Variants in TRIO observed in about 807,000 individuals in gnomAD.
The protein encoded by TRIO is triple functional domain protein.
In TRIO, 58 loss-of-function variants were observed where a neutral mutation model predicts 351.9. The observed-to-expected ratio is 0.16, with a 90% CI of 0.13 to 0.21. The LOEUF is 0.21. Ranked by LOEUF, TRIO falls within the 10% of genes least tolerant of loss-of-function variation. The pLI, the probability that TRIO is intolerant of heterozygous loss-of-function variation, is 1.00. For synonymous variants in TRIO, 1,758 were observed against 1,595.7 expected (o/e 1.10, Z -2.42); for missense variants, 3,201 against 4,027.8 (o/e 0.79, Z 5.56).
chr5:14,184,076 C>G (rs1789956461), intron 1 of TRIO: 2 of 651,312 alleles, frequency 3.1e-6, no homozygotes, highest in Non-Finnish European at 5.6e-6. Context: ...GCTCCTAGGC[C>G]AGATGAGCAG....
chr5:14,214,091 A>G (rs921894855), intron 1 of TRIO, among the ~76,000 whole-genome samples: 5 of 152,164 alleles, frequency 3.3e-5, no homozygotes, highest in African/African-American at 1.2e-4. Context: ...CAGGGCTGTC[A>G]CTGCTTGAGT....
chr5:14,383,412 T>C (rs1241889758), intron 21 of TRIO, among the ~76,000 whole-genome samples: 2 of 152,194 alleles, frequency 1.3e-5, no homozygotes, highest in African/African-American at 4.8e-5. Context: ...GATGTACACA[T>C]GACTATTTGG....
chr5:14,336,544 C>G lies in TRIO; in HGVS notation c.1863C>G (p.Tyr621Ter), dbSNP rs140745100. The G allele has an allele frequency of 6.2e-7, 1 of 1,614,194 alleles. No homozygotes were observed. Among genetic ancestry groups the G allele is most frequent in the Non-Finnish European group, 8.5e-7 (1 of 1,180,034 alleles). ...EDFEEVAQNT[Y>*]TNADKLLEAA... ...GATGTTCTCTTGTGCAGAACACATACACCAATGCGGATAAATTACTGGAAG... is the reference window on the plus strand; with the variant it reads ...GATGTTCTCTTGTGCAGAACACATAGACCAATGCGGATAAATTACTGGAAG... Residue 621 changes from tyrosine (Y) to a stop codon, truncating the protein, a stop_gained, in exon 11 of 57, where the codon TAC becomes TAG. Transcript: ENST00000344204. LOFTEE classifies it high-confidence loss of function.
intron 11 of TRIO, among the ~76,000 whole-genome samples, chr5:14,356,810 A>T (rs189249783): frequency 1.3e-5 from 2 of 152,238 alleles, no homozygotes; most frequent in Admixed American, 1.3e-4. Context: ...CCCTTGATAC[A>T]CACAGTAGTA....
intron 37 of TRIO, among the ~76,000 whole-genome samples, chr5:14,469,397 A>G (rs1158128127): frequency 6.6e-6 from 1 of 152,262 alleles, no homozygotes; most frequent in African/African-American, 2.4e-5. Context: ...GTAAATTTAA[A>G]ATGAAACCTG....
At chr5:14,368,535 T>C (rs1284415349) in intron 16 of TRIO, among the ~76,000 whole-genome samples, 173 bp from the exon 17 acceptor site, 1 of 152,220 alleles carries the variant, frequency 6.6e-6, no homozygotes, top group East Asian at 1.9e-4. Flanking sequence ...TTTCTCGGCA[T>C]AAAACCTTTT....
intron 9 of TRIO, among the ~76,000 whole-genome samples, chr5:14,318,083 G>A (rs1344750949): frequency 1.4e-5 from 2 of 147,426 alleles, no homozygotes; most frequent in Non-Finnish European, 3.0e-5. Context: ...GCCGATTATT[G>A]CACCATTGCA....
chr5:14,280,175 C>T lies in TRIO; in HGVS notation c.233-147C>T, dbSNP rs73057584. 0.022 allele frequency: 14,844 copies of T among 687,238 alleles called. 1,621 individuals carry two copies. In the African/African-American group the frequency reaches 0.24, roughly 11 times the overall value. 42.6% of individuals were successfully genotyped at this position (687,238 alleles called of 1,614,324 possible). A position where few individuals can be genotyped will look rare whatever the true frequency, so the allele number is the denominator to read the frequency against. On this transcript the variant is annotated intron_variant, in intron 2 of 56. Coordinates refer to ENST00000344204, the MANE Select transcript of TRIO (RefSeq NM_007118.4). ...ATCCCCTGAAGGGATGACATGTCCT[C>T]ACTGTGCCTCAGCTGAAACAAGGAC...
chr5:14,328,627 C>G (rs1000558537), intron 9 of TRIO, among the ~76,000 whole-genome samples: 2 of 152,236 alleles, frequency 1.3e-5, no homozygotes, highest in African/African-American at 4.8e-5. Context: ...GAGATGGAAG[C>G]TTGCCATGAG....
intron 1 of TRIO, among the ~76,000 whole-genome samples, chr5:14,182,460 T>G (rs770583047): frequency 6.6e-6 from 1 of 152,372 alleles, no homozygotes; most frequent in Non-Finnish European, 1.5e-5. Flanking sequence ...AATGATTGCC[T>G]TATCAAATAC....
chr5:14,277,550 T>C (rs972003388), intron 2 of TRIO, among the ~76,000 whole-genome samples: 1 of 152,236 alleles, frequency 6.6e-6, no homozygotes, highest in Non-Finnish European at 1.5e-5. Flanking sequence ...TGCCTCACCA[T>C]GTGGCTTACG....
chr5:14,411,015 A>G (rs993952933), intron 33 of TRIO, among the ~76,000 whole-genome samples: 4 of 152,234 alleles, frequency 2.6e-5, no homozygotes, highest in Admixed American at 1.3e-4. Flanking sequence ...AAAGAAATCA[A>G]GCGCTTTCCA....
chr5:14,237,195 G>A (rs2152229762), intron 1 of TRIO, among the ~76,000 whole-genome samples: 1 of 152,286 alleles, frequency 6.6e-6, no homozygotes. Context: ...TGAAATATGT[G>A]CAAATACTCC....
chr5:14,186,762 G>C (rs373797006), intron 1 of TRIO, among the ~76,000 whole-genome samples: 6 of 152,040 alleles, frequency 3.9e-5, no homozygotes, highest in African/African-American at 1.5e-4. Flanking sequence ...ATTTTTAGTA[G>C]AGATGAGGTT....
intron 1 of TRIO, among the ~76,000 whole-genome samples, chr5:14,212,448 A>G (rs1024813811): frequency 2.6e-5 from 4 of 152,056 alleles, no homozygotes; most frequent in Admixed American, 6.6e-5. Context: ...CTCCCTCCAG[A>G]CTCACATACC....
rs779780273 is a variant in TRIO at position 14,509,605 on chromosome 5, T to A, written c.*1183T>A. 36 of 327,970 alleles carry A rather than the reference T, an allele frequency of 1.1e-4. No individual in the cohort carries two copies. The highest frequency in any genetic ancestry group is 2.2e-3 in the Middle Eastern group (2 of 926). 20.3% of individuals were successfully genotyped at this position (327,970 alleles called of 1,614,324 possible). Reference sequence around the variant, plus strand: ...AAAATCAGTCTGGACATTTACTACTTTTTAGACTTTTTGACGTTGAACTTT... The same window carrying A: ...AAAATCAGTCTGGACATTTACTACTATTTAGACTTTTTGACGTTGAACTTT... On this transcript the variant is annotated 3_prime_UTR_variant, in exon 57 of 57. Coordinates refer to ENST00000344204, the MANE Select transcript of TRIO (RefSeq NM_007118.4).
chr5:14,386,843 A>G (rs13361539), intron 21 of TRIO, among the ~76,000 whole-genome samples: 69,837 of 152,202 alleles, frequency 0.46, 17,001 homozygotes, highest in East Asian at 0.66. Flanking sequence ...CAGTACCTCT[A>G]TATAGATGAT....
Position 14,462,760 on chromosome 5 carries a change from C to T in TRIO, c.5502C>T (p.Gly1834=). Residue 1834 remains glycine, a synonymous_variant, in exon 36 of 57, where the codon GGC becomes GGT. Coordinates refer to ENST00000344204, the MANE Select transcript of TRIO (RefSeq NM_007118.4). ...TPQDETVEER[G]RNEGLSSGTL... is the part of the protein sequence containing the mutation. ...AAATCTTGACTGGATTTCAGAGAGG[C>T]CGGAACGAGGGCCTGAGCAGCGGTA... The T allele has an allele frequency of 6.2e-7, 1 of 1,614,128 alleles. No homozygotes were observed. The highest frequency in any genetic ancestry group is 8.5e-7 in the Non-Finnish European group (1 of 1,179,976).
intron 33 of TRIO, 150 bp from the exon 34 acceptor site, chr5:14,419,628 A>T: frequency 6.1e-6 from 6 of 985,188 alleles, no homozygotes; most frequent in South Asian, 1.7e-5. Context: ...ATATTTTCAT[A>T]CGGAGAGTGC....
Sources: allele counts gnomAD v4.1 joint callset (sites outside exome capture counted in the v4.1 genomes callset), GRCh38; gene constraint gnomAD v4.1.1; transcripts MANE v1.5; gene names NCBI Gene and HGNC (gene_info 2026-07-23, HGNC 2026-07-21).